ATP8B3: variants seen among roughly 807,000 people sequenced by gnomAD.
ATP8B3 encodes phospholipid-transporting ATPase IK.
In ATP8B3, 141 loss-of-function variants were observed where a neutral mutation model predicts 140.9. The ratio of observed to expected loss-of-function variants is 1.00; its 90% confidence interval spans 0.87 to 1.15. The LOEUF (loss-of-function observed/expected upper bound fraction) is 1.15. Among genes scored for constraint, ATP8B3 ranks in the 50% most tolerant of loss-of-function variants. The pLI is 0.00. For missense variants in ATP8B3, 1,874 were observed against 1,740.6 expected (o/e 1.08, Z -1.36); for synonymous variants, 765 against 714.6 (o/e 1.07, Z -1.13).
chr19:1,792,243 GC>G (rs1232645735), intron 18 of ATP8B3, 108 bp from the exon 19 acceptor site: 1 of 1,284,296 alleles, frequency 7.8e-7, no homozygotes, highest in Non-Finnish European at 1.0e-6. Flanking sequence ...CCAACCAAAA[GC>G]CTGTTGCCTC....
At chr19:1,802,818 C>G (rs970628426) in intron 10 of ATP8B3, among the ~76,000 whole-genome samples, 173 bp from the exon 11 acceptor site, 1 of 152,186 alleles carries the variant, frequency 6.6e-6, no homozygotes, top group African/African-American at 2.4e-5. Flanking sequence ...CTGTCCCCAC[C>G]TGGCCTCAGG....
chr19:1,797,350 C>T (rs1280900507), intron 14 of ATP8B3, among the ~76,000 whole-genome samples: 3 of 149,960 alleles, frequency 2.0e-5, no homozygotes, highest in Non-Finnish European at 3.0e-5. Context: ...CAGCCTGGAG[C>T]GGGATGTGGC....
rs543886305 is a variant in ATP8B3, at chr19:1,803,607, A to G, written c.905-962T>C. Among the ~76,000 whole-genome samples, 9 of 152,256 alleles carry G rather than the reference A, an allele frequency of 5.9e-5. No homozygotes were observed. In the South Asian group the frequency reaches 6.2e-4, roughly 11 times the overall value. Reference sequence around the variant, plus strand: ...AGTCTGTGTCCCAGTGGTGTTAAAGAAGGAAGCCGGCCGGGTGCGGTGGCT... The same window carrying G: ...AGTCTGTGTCCCAGTGGTGTTAAAGGAGGAAGCCGGCCGGGTGCGGTGGCT... On this transcript the variant is annotated intron_variant, in intron 10 of 28. Transcript: ENST00000310127.
intron 11 of ATP8B3, 67 bp downstream of exon 11, chr19:1,802,415 ACCCAT>A: frequency 4.8e-6 from 1 of 206,834 alleles, no homozygotes; most frequent in Non-Finnish European, 9.4e-6. Context: ...CTACCCACCC[ACCCAT>A]CCCCACATCC....
chr19:1,806,723 C>G lies in ATP8B3; in HGVS notation c.616-34G>C, dbSNP rs2069034533. The G allele has an allele frequency of 6.5e-7, 1 of 1,549,114 alleles. No individual in the cohort carries two copies. The highest frequency in any genetic ancestry group is 1.4e-5 in the African/African-American group (1 of 73,138). Reference sequence around the variant, plus strand: ...GGAGGGAAAGGATCAGAGAGACCGTCCAGCCTCTCCTGCCCCCGCCCAGGC... The same window carrying G: ...GGAGGGAAAGGATCAGAGAGACCGTGCAGCCTCTCCTGCCCCCGCCCAGGC... On this transcript the variant is annotated intron_variant, in intron 6 of 28. Transcript: ENST00000310127. This position sits in a 1 kb window ranked among gnomAD's most constrained non-coding sequence, Gnocchi z 5.6.
chr19:1,796,899 G>T lies in ATP8B3; in HGVS notation c.1585-20C>A. On this transcript the variant is annotated intron_variant, in intron 15 of 28. Transcript: ENST00000310127. Reference sequence around the variant, plus strand: ...GTTCTCCTGGGGGTGGCGGGGGCACGGGCCGGCTGTGGGTGGGCCGCTCCC... The same window carrying T: ...GTTCTCCTGGGGGTGGCGGGGGCACTGGCCGGCTGTGGGTGGGCCGCTCCC... 2 of 1,610,516 alleles carry T rather than the reference G, an allele frequency of 1.2e-6. No homozygotes were observed. The highest frequency in any genetic ancestry group is 2.2e-5 in the South Asian group (2 of 90,932).
rs1301759439 is a variant in ATP8B3 at position 1,810,663 on chromosome 19, A to C, written c.269T>G (p.Leu90Arg). ...ATCTTGGAGATCTTCTCTCTGGCCG[A>C]GGCTGCCCATGCTGGTGGGGCTGTG... ...RPEGPTSMGS[L>R]GQREDLQDED... Residue 90 changes from leucine to arginine, a missense_variant, in exon 3 of 29, where the codon CTC becomes CGC. Physicochemically the swap from Leu to Arg is moderately radical, Grantham distance 102. This residue lies in a region of ATP8B3 where 1,032 missense variants were observed against 963.6 expected (regional missense o/e 1.07). Coordinates refer to ENST00000310127, the MANE Select transcript of ATP8B3 (RefSeq NM_138813.4). 6.2e-7 allele frequency: 1 copy of C among 1,612,830 alleles called. No individual in the cohort carries two copies. Among genetic ancestry groups the C allele is most frequent in the Non-Finnish European group, 8.5e-7 (1 of 1,179,624 alleles).
At chr19:1,802,748 C>A (rs1373947606) in intron 10 of ATP8B3, 103 bp from the exon 11 acceptor site, 1 of 1,369,568 alleles carries the variant, frequency 7.3e-7, no homozygotes, top group Non-Finnish European at 9.9e-7. Context: ...CCTCACGAGC[C>A]CCTCTGTGCC....
Position 1,789,536 on chromosome 19 carries a change from G to A in ATP8B3, c.2670C>T (p.Ser890=). 2 of 1,597,074 alleles carry A rather than the reference G, an allele frequency of 1.3e-6. No homozygotes were observed. Among genetic ancestry groups the A allele is most frequent in the Non-Finnish European group, 1.7e-6 (2 of 1,178,254 alleles). Residue 890 remains serine, a synonymous_variant, in exon 23 of 29, where the codon AGC becomes AGT. Transcript: ENST00000310127. ...AGGCGCGCTCCTGCAGCACCTCGGA[G>A]CTACGGCGGGCTCTGGAGTCCTGGG... ...PPAQDSRARR[S]SEVLQERAFV...
intron 10 of ATP8B3, among the ~76,000 whole-genome samples, chr19:1,804,776 A>C (rs1029629816): frequency 4.6e-5 from 7 of 152,208 alleles, no homozygotes; most frequent in African/African-American, 1.7e-4. Flanking sequence ...ACTGCACTCC[A>C]GCCTGGGAGA....
At chr19:1,788,858 G>A (rs1318719770) in intron 24 of ATP8B3, 39 bp downstream of exon 24, 1 of 1,527,456 alleles carries the variant, frequency 6.5e-7, no homozygotes, top group Admixed American at 2.0e-5. Context: ...GGCATCCCCA[G>A]AGGCCCTGGT....
chr19:1,807,113 C>T lies in ATP8B3; in HGVS notation c.615+55G>A. 6.9e-7 allele frequency: 1 copy of T among 1,453,034 alleles called. No individual in the cohort carries two copies. Among genetic ancestry groups the T allele is most frequent in the Non-Finnish European group, 9.6e-7 (1 of 1,043,448 alleles). 90.0% of individuals were successfully genotyped at this position (1,453,034 alleles called of 1,614,324 possible). On this transcript the variant is annotated intron_variant, in intron 6 of 28. Transcript: ENST00000310127. This position sits in a 1 kb window ranked among gnomAD's most constrained non-coding sequence, Gnocchi z 5.9. ...CCACTCTCGCCCAGGGATCAAGAGA[C>T]CCCCCCGACCGGCCCCGCTCCCTCC...
chr19:1,788,168 TC>T, intron 24 of ATP8B3, among the ~76,000 whole-genome samples: 1 of 152,294 alleles, frequency 6.6e-6, no homozygotes, highest in South Asian at 2.1e-4. Flanking sequence ...GGCACCTGCT[TC>T]CCAGCAGTTT....
intron 14 of ATP8B3, 143 bp from the exon 15 acceptor site, chr19:1,797,148 C>A: frequency 1.5e-6 from 2 of 1,325,836 alleles, no homozygotes; most frequent in South Asian, 2.6e-5. Flanking sequence ...ACCGACACCC[C>A]GAGCAATCTT....
chr19:1,789,120 G>A lies in ATP8B3; in HGVS notation c.2846C>T (p.Thr949Ile). 1 of 1,577,462 alleles carries A rather than the reference G, an allele frequency of 6.3e-7. No individual in the cohort carries two copies. Among genetic ancestry groups the A allele is most frequent in the East Asian group, 2.3e-5 (1 of 43,756 alleles). ...DGANDINMIK[T>I]ADVGVGLAGQ... ...CGCCAGCCCCACGCCCACGTCCGCG[G>A]CTGCAGGGCACAAGCAGCTGGTCAG... The change falls in exon 24 of 29, where the codon ACC (threonine) becomes ATC (isoleucine). Residue 949 changes from threonine (T) to isoleucine (I), a missense_variant and splice_region_variant. Around this residue, in one of 3 missense-constraint regions of ATP8B3, gnomAD observed 840 missense variants for 760.9 expected, o/e 1.10. Coordinates refer to ENST00000310127, the MANE Select transcript of ATP8B3 (RefSeq NM_138813.4).
chr19:1,796,646 G>T, intron 16 of ATP8B3, 65 bp downstream of exon 16: 1 of 1,547,834 alleles, frequency 6.5e-7, no homozygotes, highest in Non-Finnish European at 8.7e-7. Context: ...GAGCTGCGGG[G>T]CTGGGGACAC....
chr19:1,789,802 T>A, intron 22 of ATP8B3, 75 bp from the exon 23 acceptor site: 1 of 1,573,026 alleles, frequency 6.4e-7, no homozygotes, highest in Non-Finnish European at 8.6e-7. Flanking sequence ...GCCCTCGGCC[T>A]CGCCAGCAGT....
chr19:1,800,024 A>T lies in ATP8B3; in HGVS notation c.1475T>A (p.Ile492Asn). 1 of 1,605,606 alleles carries T rather than the reference A, an allele frequency of 6.2e-7. No individual in the cohort carries two copies. Among genetic ancestry groups the T allele is most frequent in the Non-Finnish European group, 8.5e-7 (1 of 1,176,338 alleles). Residue 492 changes from isoleucine (I) to asparagine (N), a missense_variant, in exon 14 of 29, where the codon ATC becomes AAC. Physicochemically the swap from Ile to Asn is moderately radical, Grantham distance 149. Around this residue, in one of 3 missense-constraint regions of ATP8B3, gnomAD observed 1,032 missense variants for 963.6 expected, o/e 1.07. Coordinates refer to ENST00000310127, the MANE Select transcript of ATP8B3 (RefSeq NM_138813.4). This position sits in a 1 kb window ranked among gnomAD's most constrained non-coding sequence, Gnocchi z 4.4. ...GAGCGTGCCCGTCTTGTCCGAGAAG[A>T]TGTATTCCACCTGGCCCAGGTGGTC... ...LNDHLGQVEY[I>N]FSDKTGTLTQ... is the part of the protein sequence containing the mutation.
rs1184709574 is a variant in ATP8B3, at chr19:1,796,896, C to T, written c.1585-17G>A. The T allele has an allele frequency of 6.2e-7, 1 of 1,610,482 alleles. No individual in the cohort carries two copies. ...GGGGTTCTCCTGGGGGTGGCGGGGGCACGGGCCGGCTGTGGGTGGGCCGCT... is the reference window on the plus strand; with the variant it reads ...GGGGTTCTCCTGGGGGTGGCGGGGGTACGGGCCGGCTGTGGGTGGGCCGCT... On this transcript the variant is annotated splice_polypyrimidine_tract_variant and intron_variant, in intron 15 of 28. Transcript: ENST00000310127.
Sources: gnomAD v4.1 joint callset for allele counts (sites outside exome capture counted in the v4.1 genomes callset) on GRCh38, gnomAD v4.1.1 for gene constraint, gnomAD v4.1.1 regional missense constraint, Gnocchi (gnomAD v3.1) non-coding constraint, MANE v1.5 for transcripts, NCBI Gene and HGNC (gene_info 2026-07-23, HGNC 2026-07-21) for gene names.